TPRG1: variants seen among roughly 807,000 people sequenced by gnomAD.
TPRG1 encodes tumor protein p63 regulated 1.
TPRG1 carries 29 observed loss-of-function variants against 29.3 expected under a neutral mutation model. The ratio of observed to expected loss-of-function variants is 0.99; its 90% CI spans 0.74 to 1.35. The LOEUF is 1.35. Among genes scored for constraint, TPRG1 ranks in the 40% most tolerant of loss-of-function variants. TPRG1 has a pLI of 0.00. For missense variants in TPRG1, 327 were observed against 335.0 expected, an observed-to-expected ratio of 0.98 and a Z score of 0.19; for synonymous variants, 130 against 116.8, an observed-to-expected ratio of 1.11 and a Z score of -0.73.
chr3:189,048,852 C>T lies in TPRG1; in HGVS notation c.-463+24906C>T, dbSNP rs138427202. ...CAGAAGAGCGAAAGGGAGACCCTCC[C>T]GTCCGCAACACACACCCCCACTGGA... On this transcript the variant is annotated intron_variant, in intron 4 of 10. Transcript: ENST00000433971. 9.2e-5 allele frequency among the ~76,000 whole-genome samples: 14 copies of T among 152,282 alleles called. No homozygotes were observed. In the East Asian group the frequency reaches 1.9e-3, roughly 21 times the overall value.
intron 3 of TPRG1, among the ~76,000 whole-genome samples, chr3:189,233,136 TATAAA>T (rs1445874277): frequency 2.6e-5 from 4 of 151,560 alleles, no homozygotes; most frequent in Admixed American, 2.6e-4. Context: ...AACTATTTAA[TATAAA>T]GGAAGATACC....
At chr3:189,178,876 A>G (rs1049808001) in intron 1 of TPRG1, among the ~76,000 whole-genome samples, 1 of 152,226 alleles carries the variant, frequency 6.6e-6, no homozygotes, top group Non-Finnish European at 1.5e-5. Flanking sequence ...TGTCTCCTAA[A>G]CTGACAGTGA....
At chr3:189,138,640 A>G (rs1284734674) in intron 3 of TPRG1, among the ~76,000 whole-genome samples, 4 of 151,888 alleles carry the variant, frequency 2.6e-5, no homozygotes, top group East Asian at 1.9e-4. Flanking sequence ...TGTGTACATC[A>G]CTCCTGTCCA....
intron 5 of TPRG1, among the ~76,000 whole-genome samples, chr3:189,166,122 GC>G (rs1450575553): frequency 6.6e-6 from 1 of 152,178 alleles, no homozygotes; most frequent in East Asian, 1.9e-4. Flanking sequence ...CATGGCCTTG[GC>G]CTTAGAGGCC....
chr3:189,110,603 C>G (rs1272433539), intron 1 of TPRG1, among the ~76,000 whole-genome samples: 2 of 151,952 alleles, frequency 1.3e-5, no homozygotes. Context: ...TCTAAGAACT[C>G]TTTGCTTATT....
At chr3:189,013,000 T>C (rs1257424671) in intron 3 of TPRG1, among the ~76,000 whole-genome samples, 1 of 152,110 alleles carries the variant, frequency 6.6e-6, no homozygotes, top group Non-Finnish European at 1.5e-5. Context: ...GATAGAAATA[T>C]CTTTTGTATT....
At chr3:189,039,892 G>A (rs1056342885) in intron 4 of TPRG1, among the ~76,000 whole-genome samples, 1 of 151,586 alleles carries the variant, frequency 6.6e-6, no homozygotes, top group Non-Finnish European at 1.5e-5. Context: ...GCTAGAAGTA[G>A]CCTCTAAAGT....
intron 1 of TPRG1, among the ~76,000 whole-genome samples, chr3:189,184,796 C>A (rs1730696036): frequency 6.6e-6 from 1 of 152,148 alleles, no homozygotes; most frequent in African/African-American, 2.4e-5. Context: ...CCATCCCCTG[C>A]ATGGTGTACA....
chr3:189,048,532 C>T (rs372860586), intron 4 of TPRG1, among the ~76,000 whole-genome samples: 58 of 152,284 alleles, frequency 3.8e-4, no homozygotes, highest in Non-Finnish European at 6.8e-4. Context: ...GCTTTGAAGC[C>T]AGTCATTTCT....
At chr3:189,205,491 A>G (rs1386498675) in intron 1 of TPRG1, among the ~76,000 whole-genome samples, 1 of 152,226 alleles carries the variant, frequency 6.6e-6, no homozygotes, top group Non-Finnish European at 1.5e-5. Flanking sequence ...TACTATTTTT[A>G]CCTCTTGTGA....
intron 1 of TPRG1, among the ~76,000 whole-genome samples, chr3:189,124,587 T>A (rs1722232011): frequency 6.6e-6 from 1 of 151,838 alleles, no homozygotes; most frequent in Admixed American, 6.6e-5. Flanking sequence ...CACATACGTG[T>A]ACATATATTA....
At chr3:189,032,774 A>T (rs1480169732) in intron 4 of TPRG1, among the ~76,000 whole-genome samples, 1 of 111,056 alleles carries the variant, frequency 9.0e-6, no homozygotes, top group Non-Finnish European at 1.7e-5. Flanking sequence ...CAGTCCCCAG[A>T]GTGTGATGTT....
Position 189,260,439 on chromosome 3 carries a change from G to A in TPRG1, c.479+21530G>A, listed in dbSNP as rs75465732. 7.5e-3 allele frequency among the ~76,000 whole-genome samples: 1,144 copies of A among 152,208 alleles called. 19 individuals carry two copies. Among genetic ancestry groups the A allele is most frequent in the African/African-American group, 0.027 (1,107 of 41,520 alleles). ...TTGTATTGAATCCTATACCCTTGTAGTACTATATTAGTGTAGCAATTTTCC... is the reference window on the plus strand; with the variant it reads ...TTGTATTGAATCCTATACCCTTGTAATACTATATTAGTGTAGCAATTTTCC... On this transcript the variant is annotated intron_variant, in intron 4 of 5. Coordinates refer to ENST00000345063, the MANE Select transcript of TPRG1 (RefSeq NM_198485.4).
chr3:188,998,370 G>A (rs555765500), intron 1 of TPRG1, among the ~76,000 whole-genome samples: 63 of 152,282 alleles, frequency 4.1e-4, no homozygotes, highest in African/African-American at 1.5e-3. Context: ...TTCCCCAAAT[G>A]GGAGACAGCT....
Position 189,320,911 on chromosome 3 carries a change from T to A in TPRG1, c.*91T>A. 8.9e-7 allele frequency: 1 copy of A among 1,119,084 alleles called. No homozygotes were observed. The highest frequency in any genetic ancestry group is 1.2e-6 in the Non-Finnish European group (1 of 822,968). 69.3% of individuals were successfully genotyped at this position (1,119,084 alleles called of 1,614,324 possible). A position where few individuals can be genotyped will look rare whatever the true frequency, so the allele number is the denominator to read the frequency against. Reference sequence around the variant, plus strand: ...CACGCTATTTTTGGACTGAAACAATTAATTATTTTTAAATGACGCTTTATG... The same window carrying A: ...CACGCTATTTTTGGACTGAAACAATAAATTATTTTTAAATGACGCTTTATG... On this transcript the variant is annotated 3_prime_UTR_variant, in exon 6 of 6. Transcript: ENST00000345063.
At chr3:189,154,716 T>C (rs531575613) in intron 5 of TPRG1, among the ~76,000 whole-genome samples, 52 of 152,304 alleles carry the variant, frequency 3.4e-4, no homozygotes, top group African/African-American at 1.2e-3. Context: ...GTGCTGGGAT[T>C]ACAGGCAGGA....
At chr3:189,251,695 AC>A (rs1340414822) in intron 4 of TPRG1, among the ~76,000 whole-genome samples, 1 of 152,218 alleles carries the variant, frequency 6.6e-6, no homozygotes, top group Admixed American at 6.5e-5. Context: ...ATATGCATAC[AC>A]ATAAACATCT....
intron 4 of TPRG1, among the ~76,000 whole-genome samples, chr3:189,272,633 TTCTC>T (rs890784648): frequency 1.0e-3 from 152 of 151,932 alleles, no homozygotes; most frequent in Middle Eastern, 3.4e-3. Flanking sequence ...TTCTTTATCT[TTCTC>T]TCTCTCTCTT....
chr3:189,064,407 G>C (rs1304064681), intron 4 of TPRG1, among the ~76,000 whole-genome samples: 1 of 151,948 alleles, frequency 6.6e-6, no homozygotes, highest in Non-Finnish European at 1.5e-5. Context: ...CAGGACAACT[G>C]GGTTAACGCT....
Sources: gnomAD v4.1 joint callset for allele counts (sites outside exome capture counted in the v4.1 genomes callset) on GRCh38, gnomAD v4.1.1 for gene constraint, MANE v1.5 for transcripts, NCBI Gene and HGNC (gene_info 2026-07-23, HGNC 2026-07-21) for gene names.